The following ZNF30 variants were observed in gnomAD, a reference collection of about 807,000 sequenced individuals.
ZNF30 encodes zinc finger protein 30.
Under a neutral mutation model 13.2 loss-of-function variants are expected in ZNF30, and 15 were observed. That is an observed-to-expected ratio of 1.13 (90% confidence interval 0.76 to 1.75). The LOEUF is 1.75. ZNF30 is among the 40% of genes most tolerant of loss of function. The pLI is 0.00. For synonymous variants in ZNF30, 223 were observed against 256.6 expected, an observed-to-expected ratio of 0.87 and a Z score of 1.25; for missense variants, 726 against 757.0, an observed-to-expected ratio of 0.96 and a Z score of 0.48.
intron 4 of ZNF30, among the ~76,000 whole-genome samples, chr19:34,936,728 T>G (rs1352116772): frequency 1.3e-5 from 2 of 152,048 alleles, no homozygotes; most frequent in Non-Finnish European, 2.9e-5. Flanking sequence ...ATATCCCATC[T>G]CTATATAAAA....
intron 4 of ZNF30, among the ~76,000 whole-genome samples, chr19:34,935,144 T>G (rs1457064710): frequency 6.6e-6 from 1 of 151,582 alleles, no homozygotes; most frequent in Non-Finnish European, 1.5e-5. Flanking sequence ...GGCAGGAGAA[T>G]GGCGTGAACC....
chr19:34,937,863 A>G (rs1002427031), intron 4 of ZNF30, among the ~76,000 whole-genome samples: 2 of 152,078 alleles, frequency 1.3e-5, no homozygotes, highest in African/African-American at 4.8e-5. Context: ...CAGTGGTGCA[A>G]TCTCGGCTCA....
chr19:34,927,126 G>T lies in ZNF30; in HGVS notation c.-155G>T, dbSNP rs1214807079. ...AGCGCCCAGCTCCGAGGTTGGAGCAGCCCCGCCGGGCAACTTGAATTTCTG... is the reference window on the plus strand; with the variant it reads ...AGCGCCCAGCTCCGAGGTTGGAGCATCCCCGCCGGGCAACTTGAATTTCTG... On this transcript the variant is annotated 5_prime_UTR_variant, in exon 1 of 5. Transcript: ENST00000601142. 1 of 396,566 alleles carries T rather than the reference G, an allele frequency of 2.5e-6. No individual in the cohort carries two copies. The highest frequency in any genetic ancestry group is 4.4e-6 in the Non-Finnish European group (1 of 224,950). The allele number at this position is 396,566 out of a possible 1,614,324, so 24.6% of individuals were successfully genotyped here. A position where few individuals can be genotyped will look rare whatever the true frequency, so the allele number is the denominator to read the frequency against.
At chr19:34,941,295 C>T (rs1331136335) in intron 4 of ZNF30, among the ~76,000 whole-genome samples, 2 of 152,172 alleles carry the variant, frequency 1.3e-5, no homozygotes, top group African/African-American at 4.8e-5. Context: ...GATGGAGTCT[C>T]ACTCTGTTGC....
Position 34,931,867 on chromosome 19 carries a change from G to T in ZNF30, c.34G>T (p.Gly12Ter), listed in dbSNP as rs202087912. 1.2e-6 allele frequency: 2 copies of T among 1,611,924 alleles called. No individual in the cohort carries two copies. Among genetic ancestry groups the T allele is most frequent in the Non-Finnish European group, 1.7e-6 (2 of 1,179,332 alleles). The change falls in exon 3 of 5, where the codon GGA becomes TGA. Residue 12 changes from glycine to a stop codon, truncating the protein, a stop_gained. Coordinates refer to ENST00000601142, the MANE Select transcript of ZNF30 (RefSeq NM_194325.3). LOFTEE classifies it high-confidence loss of function. ...AHKYVGLQYH[G>*]SVTFEDVAIA... ...GAAATATGTGGGTTTGCAGTATCAC[G>T]GATCAGTGACATTTGAGGATGTGGC...
In ZNF30 at chr19:34,926,957, C is replaced by T. The variant is rs2012103916; in HGVS notation, c.-324C>T. Reference sequence around the variant, plus strand: ...GTGTGACGGCTCAGGACTGCATTTCCCAGAGGCTGCAGCTATCCGGCCAAT... The same window carrying T: ...GTGTGACGGCTCAGGACTGCATTTCTCAGAGGCTGCAGCTATCCGGCCAAT... On this transcript the variant is annotated 5_prime_UTR_variant, in exon 1 of 5. Coordinates refer to ENST00000601142, the MANE Select transcript of ZNF30 (RefSeq NM_194325.3). 2.5e-6 allele frequency: 1 copy of T among 398,462 alleles called. No individual in the cohort carries two copies. The highest frequency in any genetic ancestry group is 4.4e-6 in the Non-Finnish European group (1 of 226,038). The allele number at this position is 398,462 out of a possible 1,614,324, so 24.7% of individuals were successfully genotyped here. A position where few individuals can be genotyped will look rare whatever the true frequency, so the allele number is the denominator to read the frequency against.
chr19:34,927,263 G>A, intron 1 of ZNF30, 47 bp downstream of exon 1: 1 of 364,592 alleles, frequency 2.7e-6, no homozygotes, highest in Non-Finnish European at 4.9e-6. Flanking sequence ...GGCGAGTGCG[G>A]GAGCGGCAGG....
rs1362843419 is a variant in ZNF30, at chr19:34,944,503, G to C, written c.1537G>C (p.Glu513Gln). The change falls in exon 5 of 5, where the codon GAG (glutamate) becomes CAG (glutamine). Residue 513 changes from glutamate to glutamine, a missense_variant. Physicochemically the swap from Glu to Gln is conservative, Grantham distance 29. Transcript: ENST00000601142. Reference protein sequence around the residue: ...SRIHTGKKPYECKECGKAFSS... With the variant: ...SRIHTGKKPYQCKECGKAFSS... ...AATCCATACTGGTAAGAAGCCCTATGAGTGTAAGGAGTGTGGCAAGGCCTT... is the reference window on the plus strand; with the variant it reads ...AATCCATACTGGTAAGAAGCCCTATCAGTGTAAGGAGTGTGGCAAGGCCTT... 6.2e-7 allele frequency: 1 copy of C among 1,613,926 alleles called. No individual in the cohort carries two copies. The highest frequency in any genetic ancestry group is 1.1e-5 in the South Asian group (1 of 91,076).
At chr19:34,939,688 G>C (rs894390317) in intron 4 of ZNF30, among the ~76,000 whole-genome samples, 24 of 152,188 alleles carry the variant, frequency 1.6e-4, no homozygotes, top group African/African-American at 5.8e-4. Flanking sequence ...AAGGTGTGCA[G>C]GTTTTCGAGC....
chr19:34,933,829 C>A, intron 4 of ZNF30, 106 bp downstream of exon 4: 1 of 765,766 alleles, frequency 1.3e-6, no homozygotes, highest in Non-Finnish European at 2.2e-6. Context: ...CTTCAAAGCC[C>A]TAGGGCCTGG....
At chr19:34,925,485 G>A (rs540289024), upstream of ZNF30, among the ~76,000 whole-genome samples, 16 of 152,314 alleles carry the variant, frequency 1.1e-4, no homozygotes, top group South Asian at 1.9e-3. Flanking sequence ...TGGCCTGCCC[G>A]CGTGCCAGCG....
chr19:34,935,474 C>A (rs2012679819), intron 4 of ZNF30, among the ~76,000 whole-genome samples: 1 of 152,066 alleles, frequency 6.6e-6, no homozygotes, highest in Non-Finnish European at 1.5e-5. Flanking sequence ...TATTCTCACT[C>A]CCAGTCTTAC....
Position 34,945,038 on chromosome 19 carries a change from G to T in ZNF30, c.*200G>T. 1 of 527,260 alleles carries T rather than the reference G, an allele frequency of 1.9e-6. No individual in the cohort carries two copies. Among genetic ancestry groups the T allele is most frequent in the Non-Finnish European group, 3.1e-6 (1 of 318,582 alleles). The allele number at this position is 527,260 out of a possible 1,614,324, so 32.7% of individuals were successfully genotyped here. On this transcript the variant is annotated 3_prime_UTR_variant, in exon 5 of 5. Transcript: ENST00000601142. ...TTGTAATACCAATATTTATACTGGT[G>T]GACCATTCAGAAAAAGTGGGAAACG...
chr19:34,926,539 C>G (rs1429576290), upstream of ZNF30, among the ~76,000 whole-genome samples: 1 of 152,112 alleles, frequency 6.6e-6, no homozygotes, highest in Non-Finnish European at 1.5e-5. Context: ...TTTTCTCACA[C>G]GTGATTAGTC....
In ZNF30 at chr19:34,944,645, G is replaced by C. The variant is rs770315449; in HGVS notation, c.1679G>C (p.Ser560Thr). The change falls in exon 5 of 5, where the codon AGT becomes ACT. Residue 560 changes from serine (S) to threonine (T), a missense_variant. Physicochemically the swap from Ser to Thr is moderately conservative, Grantham distance 58. Coordinates refer to ENST00000601142, the MANE Select transcript of ZNF30 (RefSeq NM_194325.3). Reference protein sequence around the residue: ...TVYGQLIGHQSVHTGEKPFEC... With the variant: ...TVYGQLIGHQTVHTGEKPFEC... Reference sequence around the variant, plus strand: ...TATGGACAACTTATTGGACATCAGAGTGTTCACACTGGTGAGAAACCTTTT... The same window carrying C: ...TATGGACAACTTATTGGACATCAGACTGTTCACACTGGTGAGAAACCTTTT... 1.2e-6 allele frequency: 2 copies of C among 1,614,198 alleles called. No homozygotes were observed. Among genetic ancestry groups the C allele is most frequent in the East Asian group, 2.2e-5 (1 of 44,890 alleles).
At chr19:34,933,984 A>G (rs998733126) in intron 4 of ZNF30, among the ~76,000 whole-genome samples, 1 of 152,158 alleles carries the variant, frequency 6.6e-6, no homozygotes, top group Non-Finnish European at 1.5e-5. Context: ...CCAGTGCATT[A>G]TTCCATCTGT....
rs1212676937 is a variant in ZNF30 at position 34,943,607 on chromosome 19, G to T, written c.641G>T (p.Ser214Ile). 1 of 1,613,644 alleles carries T rather than the reference G, an allele frequency of 6.2e-7. No homozygotes were observed. Among genetic ancestry groups the T allele is most frequent in the Non-Finnish European group, 8.5e-7 (1 of 1,179,812 alleles). The part of the protein sequence containing the change: ...LKCKQCGKTI[S>I]GSYQLTVHKS... ...TGTAAGCAATGTGGAAAGACTATTA[G>T]TGGTAGCTATCAACTTACAGTACAT... Residue 214 changes from serine (S) to isoleucine (I), a missense_variant, in exon 5 of 5, where the codon AGT becomes ATT. Physicochemically the swap from Ser to Ile is moderately radical, Grantham distance 142. Transcript: ENST00000601142.
intron 4 of ZNF30, among the ~76,000 whole-genome samples, chr19:34,934,965 C>T (rs1249958562): frequency 2.0e-5 from 3 of 152,122 alleles, no homozygotes; most frequent in African/African-American, 7.2e-5. Context: ...CGCGGTGGCT[C>T]ACGCCTGTAA....
At chr19:34,926,881 T>C (rs1264777230), upstream of ZNF30, 1 of 397,828 alleles carries the variant, frequency 2.5e-6, no homozygotes, top group Non-Finnish European at 4.4e-6. Flanking sequence ...CGCCCAGAAG[T>C]CTCCGGGCGC....
Sources: gnomAD v4.1 joint callset for allele counts (sites outside exome capture counted in the v4.1 genomes callset) on GRCh38, gnomAD v4.1.1 for gene constraint, MANE v1.5 for transcripts, NCBI Gene and HGNC (gene_info 2026-07-23, HGNC 2026-07-21) for gene names.